LYST: variants seen among roughly 807,000 people sequenced by gnomAD.
LYST encodes lysosomal-trafficking regulator.
In LYST, 192 loss-of-function variants were observed where a neutral mutation model predicts 413.6. That is an observed-to-expected ratio of 0.46 (90% CI 0.41 to 0.52). The LOEUF is 0.52. Among genes scored for constraint, LYST ranks in the 20% least tolerant of loss-of-function variants. The pLI, the probability that LYST is intolerant of heterozygous loss-of-function variation, is 0.00. For missense variants in LYST, 3,815 were observed against 4,499.9 expected (o/e 0.85, Z 4.35); for synonymous variants, 1,525 against 1,567.3 (o/e 0.97, Z 0.64).
chr1:235,740,067 G>A (rs1027577723), intron 31 of LYST, among the ~76,000 whole-genome samples: 57 of 152,296 alleles, frequency 3.7e-4, no homozygotes, highest in African/African-American at 1.3e-3. Flanking sequence ...ATTCTCCACA[G>A]AAGGAAAATA....
chr1:235,703,518 C>T (rs758133195), intron 44 of LYST, among the ~76,000 whole-genome samples: 2 of 152,148 alleles, frequency 1.3e-5, no homozygotes, highest in African/African-American at 4.8e-5. Context: ...GAGCAATGCA[C>T]ATTTACTTAT....
intron 13 of LYST, among the ~76,000 whole-genome samples, chr1:235,788,044 A>G (rs1334377373): frequency 1.3e-5 from 2 of 152,240 alleles, no homozygotes; most frequent in Non-Finnish European, 2.9e-5. Context: ...TGTTAATAAC[A>G]TCTTAAGACC....
chr1:235,754,793 G>A (rs1666847647), intron 25 of LYST, among the ~76,000 whole-genome samples: 1 of 152,076 alleles, frequency 6.6e-6, no homozygotes, highest in Non-Finnish European at 1.5e-5. Context: ...AAAAGACCTT[G>A]CCGGGTGTGG....
chr1:235,673,159 C>T (rs1183591849), intron 50 of LYST, among the ~76,000 whole-genome samples: 3 of 152,216 alleles, frequency 2.0e-5, no homozygotes, highest in Admixed American at 6.5e-5. Context: ...CCATGGACCA[C>T]TGTCCCAGGG....
At chr1:235,832,477 T>C (rs538143444) in intron 2 of LYST, among the ~76,000 whole-genome samples, 1 of 152,316 alleles carries the variant, frequency 6.6e-6, no homozygotes, top group South Asian at 2.1e-4. Context: ...TGTATGTTTT[T>C]TCCTGATTTA....
chr1:235,699,640 T>C (rs988667403), intron 45 of LYST, among the ~76,000 whole-genome samples: 3 of 152,202 alleles, frequency 2.0e-5, no homozygotes, highest in Non-Finnish European at 4.4e-5. Flanking sequence ...TCTAGATCCT[T>C]GAGGAATTGC....
chr1:235,797,109 C>T (rs73108806), intron 10 of LYST, among the ~76,000 whole-genome samples: 3,251 of 152,028 alleles, frequency 0.021, 112 homozygotes, highest in African/African-American at 0.072. Context: ...CCATATGACA[C>T]AAAATAAATG....
intron 1 of LYST, among the ~76,000 whole-genome samples, chr1:235,875,453 T>G (rs1425087666): frequency 6.6e-6 from 1 of 152,210 alleles, no homozygotes; most frequent in Non-Finnish European, 1.5e-5. Flanking sequence ...ATTTCATAAC[T>G]ATAATAACAC....
intron 1 of LYST, among the ~76,000 whole-genome samples, chr1:235,877,626 G>C (rs1178020200): frequency 6.6e-6 from 1 of 151,934 alleles, no homozygotes; most frequent in Admixed American, 6.6e-5. Flanking sequence ...GGCTGGTCTC[G>C]AACTCCCAAC....
intron 8 of LYST, among the ~76,000 whole-genome samples, 186 bp downstream of exon 8, chr1:235,802,722 C>A (rs903752983): frequency 6.6e-6 from 1 of 152,164 alleles, no homozygotes; most frequent in Non-Finnish European, 1.5e-5. Context: ...TTTGTGATAA[C>A]AAACTATATC....
In LYST at chr1:235,757,436, G is replaced by T. The variant is rs780934955; in HGVS notation, c.6904C>A (p.Pro2302Thr). ...AGTTCATATAATCCACAGCATATAG[G>T]TACCAAACAGTCTTCAGTTACACTA... ...AHSVTEDCLV[P>T]ICCGLYELLS... is the part of the protein sequence containing the mutation. The change falls in exon 24 of 53, where the codon CCT becomes ACT. Residue 2302 changes from proline to threonine, a missense_variant. Pro to Thr is a conservative substitution (Grantham distance 38). This residue lies in a region of LYST where 771 missense variants were observed against 837.1 expected (regional missense o/e 0.92). Transcript: ENST00000389793. The T allele has an allele frequency of 6.2e-7, 1 of 1,613,166 alleles. No individual in the cohort carries two copies. Among genetic ancestry groups the T allele is most frequent in the African/African-American group, 1.3e-5 (1 of 74,806 alleles).
intron 5 of LYST, 97 bp from the exon 6 acceptor site, chr1:235,806,869 G>T: frequency 2.5e-6 from 2 of 814,164 alleles, no homozygotes; most frequent in Non-Finnish European, 2.0e-6. Flanking sequence ...TTGCATGTGG[G>T]ATATACTAAC....
chr1:235,693,780 T>C (rs1486761480), intron 46 of LYST, among the ~76,000 whole-genome samples: 1 of 152,204 alleles, frequency 6.6e-6, no homozygotes, highest in Non-Finnish European at 1.5e-5. Context: ...ATAGTGAAGC[T>C]TACTCTATTC....
chr1:235,787,069 A>C, intron 14 of LYST, 131 bp downstream of exon 14: 1 of 699,972 alleles, frequency 1.4e-6, no homozygotes, highest in Non-Finnish European at 2.4e-6. Context: ...AAGAAACAAC[A>C]AAAAATATAG....
chr1:235,744,733 C>G (rs1381497514), intron 29 of LYST, among the ~76,000 whole-genome samples: 1 of 151,810 alleles, frequency 6.6e-6, no homozygotes, highest in East Asian at 1.9e-4. Flanking sequence ...AACCCCATCT[C>G]TACAAAAAAA....
rs10802994 is a variant in LYST at position 235,751,828 on chromosome 1, A to G, written c.7627+177T>C. On this transcript the variant is annotated intron_variant, in intron 27 of 52. Coordinates refer to ENST00000389793, the MANE Select transcript of LYST (RefSeq NM_000081.4). ...ACTACATGGGGGAATCACTTTTTCT[A>G]TTTTTGCCACTTTTTCAAGCCTTTT... Among the ~76,000 whole-genome samples, 3,095 of 152,164 alleles carry G rather than the reference A, an allele frequency of 0.02. 52 individuals are homozygous for G. The highest frequency in any genetic ancestry group is 0.03 in the Non-Finnish European group (2,020 of 67,952).
Position 235,757,384 on chromosome 1 carries a change from G to A in LYST, c.6956C>T (p.Pro2319Leu). The stretch of plus-strand genomic sequence containing the variant: ...CATCACATCTTCAAGCAAAACATCA[G>A]GCAGGATAAGAAGAACCCCACTTAG... The part of the protein sequence containing the change: ...ELLSGVLLIL[P>L]DVLLEDVMDK... The change falls in exon 24 of 53, where the codon CCT becomes CTT. Residue 2319 changes from proline (P) to leucine (L), a missense_variant. Physicochemically the swap from Pro to Leu is moderately conservative, Grantham distance 98. This residue lies in a region of LYST where 771 missense variants were observed against 837.1 expected (regional missense o/e 0.92). Transcript: ENST00000389793. 1 of 1,613,348 alleles carries A rather than the reference G, an allele frequency of 6.2e-7. No homozygotes were observed. The highest frequency in any genetic ancestry group is 8.5e-7 in the Non-Finnish European group (1 of 1,179,646).
In LYST at chr1:235,806,679, T is replaced by C. The variant is rs370433232; in HGVS notation, c.2457A>G (p.Ala819=). 1 of 1,613,778 alleles carries C rather than the reference T, an allele frequency of 6.2e-7. No homozygotes were observed. The highest frequency in any genetic ancestry group is 8.5e-7 in the Non-Finnish European group (1 of 1,179,686). ...LNGIRSHSLK[A]FETLIISLGE... Reference sequence around the variant, plus strand: ...CTAGGCTGATTATCAGAGTTTCAAATGCTTTTAGAGAATGACTTCGAATAC... The same window carrying C: ...CTAGGCTGATTATCAGAGTTTCAAACGCTTTTAGAGAATGACTTCGAATAC... Residue 819 remains alanine (A), a synonymous_variant, in exon 6 of 53, where the codon GCA becomes GCG. Transcript: ENST00000389793.
chr1:235,855,023 T>C (rs1252663870), intron 1 of LYST, among the ~76,000 whole-genome samples: 1 of 152,228 alleles, frequency 6.6e-6, no homozygotes, highest in Non-Finnish European at 1.5e-5. Context: ...TAACACGTTG[T>C]ACCACCCTGC....
Sources: gnomAD v4.1 joint callset for allele counts (sites outside exome capture counted in the v4.1 genomes callset) on GRCh38, gnomAD v4.1.1 for gene constraint, gnomAD v4.1.1 regional missense constraint, MANE v1.5 for transcripts, NCBI Gene and HGNC (gene_info 2026-07-23, HGNC 2026-07-21) for gene names.